Variants in GRHL2 observed in about 807,000 individuals in gnomAD.
The protein encoded by GRHL2 is grainyhead like transcription factor 2, also known as grainyhead-like protein 2 homolog.
Under a neutral mutation model 83.8 loss-of-function variants are expected in GRHL2, and 21 were observed. The ratio of observed to expected loss-of-function variants is 0.25; its 90% confidence interval spans 0.18 to 0.36. The LOEUF (loss-of-function observed/expected upper bound fraction) is 0.36. Among genes scored for constraint, GRHL2 ranks in the 10% least tolerant of loss-of-function variants. The pLI is 1.00. For missense variants in GRHL2, 623 were observed against 781.8 expected, an observed-to-expected ratio of 0.80 and a Z score of 2.42; for synonymous variants, 280 against 278.9, an observed-to-expected ratio of 1.00 and a Z score of -0.04.
At chr8:101,680,710 G>T in the GRHL2 span, among the ~76,000 whole-genome samples, 1 of 129,910 alleles carries the variant, frequency 7.7e-6, no homozygotes, top group East Asian at 2.3e-4. Context: ...AAAGAACAGA[G>T]ATTATAATAA....
chr8:101,576,774 G>T (rs1811941462), intron 6 of GRHL2, among the ~76,000 whole-genome samples: 1 of 152,164 alleles, frequency 6.6e-6, no homozygotes, highest in Non-Finnish European at 1.5e-5. Context: ...ATTTCTGCAA[G>T]ATATAATTAG....
chr8:101,514,146 T>C (rs1377531202), intron 1 of GRHL2, among the ~76,000 whole-genome samples: 2 of 152,136 alleles, frequency 1.3e-5, no homozygotes, highest in African/African-American at 4.8e-5. Context: ...CACATACACA[T>C]ACATTTACAT....
chr8:101,612,508 G>GATAC lies in GRHL2; in HGVS notation c.1099-7028_1099-7027insCATA, dbSNP rs1263240211. Among the ~76,000 whole-genome samples, 68 of 128,654 alleles carry GATAC rather than the reference G, an allele frequency of 5.3e-4. 3 individuals are homozygous for GATAC. The highest frequency in any genetic ancestry group is 3.3e-3 in the East Asian group (15 of 4,578). 84.4% of individuals were successfully genotyped at this position (128,654 alleles called of 152,430 possible). A position where few individuals can be genotyped will look rare whatever the true frequency, so the allele number is the denominator to read the frequency against. On this transcript the variant is annotated intron_variant, in intron 8 of 15. Coordinates refer to ENST00000646743, the MANE Select transcript of GRHL2 (RefSeq NM_024915.4). The stretch of plus-strand genomic sequence containing the variant: ...AGATAGATAGATAGATAGATAGATA[G>GATAC]ATAGATAGATAGATACATACATACA...
chr8:101,657,843 AGAC>A (rs1230990988), intron 14 of GRHL2, among the ~76,000 whole-genome samples: 1 of 151,442 alleles, frequency 6.6e-6, no homozygotes, highest in African/African-American at 2.4e-5. Flanking sequence ...AAAAAAAAAA[AGAC>A]AGAAAAAGAA....
At chr8:101,615,017 C>A (rs1479768391) in intron 8 of GRHL2, among the ~76,000 whole-genome samples, 1 of 152,136 alleles carries the variant, frequency 6.6e-6, no homozygotes, top group Non-Finnish European at 1.5e-5. Context: ...AAGGCAGATT[C>A]TTGTGTTGTT....
At chr8:101,502,668 G>A (rs1430068103) in intron 1 of GRHL2, among the ~76,000 whole-genome samples, 3 of 152,018 alleles carry the variant, frequency 2.0e-5, no homozygotes, top group Non-Finnish European at 4.4e-5. Flanking sequence ...ATATAAGAAT[G>A]AATGGAACAT....
At chr8:101,559,675 A>G (rs1024964730) in intron 4 of GRHL2, among the ~76,000 whole-genome samples, 2 of 152,242 alleles carry the variant, frequency 1.3e-5, no homozygotes, top group African/African-American at 4.8e-5. Context: ...TATTCTTCTC[A>G]GGAGCTCATA....
chr8:101,492,489 G>A lies in GRHL2; in HGVS notation c.-281G>A, dbSNP rs994126899. 4.6e-5 allele frequency: 26 copies of A among 570,310 alleles called. No individual in the cohort carries two copies. The East Asian group carries it at 7.8e-4, about 17-fold the overall frequency. 35.3% of individuals were successfully genotyped at this position (570,310 alleles called of 1,614,324 possible). A position where few individuals can be genotyped will look rare whatever the true frequency, so the allele number is the denominator to read the frequency against. ...GTCCGCCACTTTCTGCTCTGTGTCTGCCCATTGCCACGATCCAGGAGGACT... is the reference window on the plus strand; with the variant it reads ...GTCCGCCACTTTCTGCTCTGTGTCTACCCATTGCCACGATCCAGGAGGACT... On this transcript the variant is annotated 5_prime_UTR_variant, in exon 1 of 16. Transcript: ENST00000646743.
intron 14 of GRHL2, among the ~76,000 whole-genome samples, chr8:101,649,995 C>T (rs1283432725): frequency 6.6e-6 from 1 of 152,150 alleles, no homozygotes; most frequent in South Asian, 2.1e-4. Flanking sequence ...TCACAAGAAG[C>T]TATTTTACAT....
chr8:101,602,338 C>T (rs1812534259), intron 8 of GRHL2, among the ~76,000 whole-genome samples: 1 of 152,188 alleles, frequency 6.6e-6, no homozygotes, highest in South Asian at 2.1e-4. Context: ...ATGTTGTGGA[C>T]TTATCTATCA....
At chr8:101,527,214 T>C (rs530872182) in intron 1 of GRHL2, among the ~76,000 whole-genome samples, 1 of 152,256 alleles carries the variant, frequency 6.6e-6, no homozygotes, top group African/African-American at 2.4e-5. Context: ...CTTTAATTTC[T>C]ATATCCTATC....
intron 1 of GRHL2, 54 bp from the exon 2 acceptor site, chr8:101,543,187 G>A: frequency 7.6e-7 from 1 of 1,314,918 alleles, no homozygotes; most frequent in Non-Finnish European, 1.1e-6. Context: ...ATTATTAGGG[G>A]TAAAAAATTT....
At chr8:101,631,302 C>G (rs1813181262) in intron 9 of GRHL2, among the ~76,000 whole-genome samples, 2 of 152,196 alleles carry the variant, frequency 1.3e-5, no homozygotes, top group African/African-American at 4.8e-5. Flanking sequence ...ATTATAATCA[C>G]TAAAGTCACT....
At chr8:101,594,032 G>A (rs1161773136) in intron 7 of GRHL2, among the ~76,000 whole-genome samples, 3 of 118,178 alleles carry the variant, frequency 2.5e-5, no homozygotes, top group Admixed American at 1.2e-4. Context: ...TTGCACCATC[G>A]CACTCCAGCC....
rs4002326 is a variant in GRHL2 at position 101,509,107 on chromosome 8, CTCCTTCCTTCCTTCCT to C, written c.20+16356_20+16371del. The stretch of plus-strand genomic sequence containing the variant: ...TGTTTTCCTTTCTTTCTTTCTTTCT[CTCCTTCCTTCCTTCCT>C]TCCTTCCTTCCTTCCTTCCTTCCTT... On this transcript the variant is annotated intron_variant, in intron 1 of 15. Coordinates refer to ENST00000646743, the MANE Select transcript of GRHL2 (RefSeq NM_024915.4). 6.2e-3 allele frequency among the ~76,000 whole-genome samples: 591 copies of C among 94,736 alleles called. 41 individuals carry two copies. Among genetic ancestry groups the C allele is most frequent in the African/African-American group, 0.023 (517 of 22,904 alleles). 62.2% of individuals were successfully genotyped at this position (94,736 alleles called of 152,430 possible).
At chr8:101,522,350 T>C (rs1004057666) in intron 1 of GRHL2, among the ~76,000 whole-genome samples, 6 of 152,184 alleles carry the variant, frequency 3.9e-5, no homozygotes, top group African/African-American at 1.4e-4. Context: ...GCATTTACAT[T>C]GTATTAGGTA....
intron 2 of GRHL2, among the ~76,000 whole-genome samples, chr8:101,551,033 CCTT>C (rs1811370361): frequency 6.6e-6 from 1 of 152,096 alleles, no homozygotes; most frequent in African/African-American, 2.4e-5. Flanking sequence ...GTGGTTTCCT[CCTT>C]CTGGCTACTG....
intron 8 of GRHL2, among the ~76,000 whole-genome samples, chr8:101,617,448 G>T (rs1427221856): frequency 1.3e-5 from 2 of 152,150 alleles, no homozygotes; most frequent in African/African-American, 4.8e-5. Flanking sequence ...CAGGCTTTGG[G>T]TTTGAAATGA....
At chr8:101,510,816 C>T (rs189858320) in intron 1 of GRHL2, among the ~76,000 whole-genome samples, 4 of 152,078 alleles carry the variant, frequency 2.6e-5, no homozygotes, top group Admixed American at 6.6e-5. Context: ...ACTTGTCGGC[C>T]GGGCGTGGTG....
Sources: gnomAD v4.1 joint callset for allele counts (sites outside exome capture counted in the v4.1 genomes callset) on GRCh38, gnomAD v4.1.1 for gene constraint, MANE v1.5 for transcripts, NCBI Gene and HGNC (gene_info 2026-07-23, HGNC 2026-07-21) for gene names.